The following RGS7 variants were observed in gnomAD, a reference collection of about 807,000 sequenced individuals.
The protein encoded by RGS7 is regulator of G-protein signaling 7.
RGS7 carries 27 observed loss-of-function variants against 81.1 expected under a neutral mutation model. That is an observed-to-expected ratio of 0.33 (90% CI 0.25 to 0.46). The LOEUF (loss-of-function observed/expected upper bound fraction) is 0.46. RGS7 is among the 20% of genes least tolerant of loss of function. The pLI is 1.00. For missense variants in RGS7, 396 were observed against 607.4 expected (o/e 0.65, Z 3.66); for synonymous variants, 208 against 207.7 (o/e 1.00, Z -0.01).
At chr1:241,175,361 G>A (rs7527775) in intron 2 of RGS7, among the ~76,000 whole-genome samples, 45,385 of 151,972 alleles carry the variant, frequency 0.3, 6,863 homozygotes, top group East Asian at 0.36. Context: ...TACAGTGTAG[G>A]TACTTCAGCC....
chr1:241,349,970 C>A (rs574119668), intron 2 of RGS7, among the ~76,000 whole-genome samples: 1 of 152,156 alleles, frequency 6.6e-6, no homozygotes, highest in Non-Finnish European at 1.5e-5. Context: ...TAAAATCCCT[C>A]GAGGGCTTCT....
At chr1:240,947,998 T>A (rs1015326501) in intron 4 of RGS7, among the ~76,000 whole-genome samples, 5 of 152,104 alleles carry the variant, frequency 3.3e-5, no homozygotes, top group African/African-American at 1.2e-4. Flanking sequence ...TCAGAACCCT[T>A]CCTCCAGAGA....
At position 240,905,413 on chromosome 1, in the gene RGS7, A is replaced by G. The variant is rs532981766; in HGVS notation, c.385+25304T>C. ...GAAGCAGCGACAGGTAGGCGGAGAG[A>G]GGAAGGGAGGAAACTACTGACTGAG... is the stretch of plus-strand genomic sequence containing the variant. On this transcript the variant is annotated intron_variant, in intron 6 of 18. Coordinates refer to ENST00000440928, the MANE Select transcript of RGS7 (RefSeq NM_001364886.1). 1.1e-4 allele frequency among the ~76,000 whole-genome samples: 17 copies of G among 152,338 alleles called. No homozygotes were observed. The South Asian group carries it at 2.3e-3, about 20-fold the overall frequency.
chr1:241,196,921 T>A (rs993068676), intron 2 of RGS7, among the ~76,000 whole-genome samples: 2 of 149,300 alleles, frequency 1.3e-5, no homozygotes, highest in Non-Finnish European at 3.0e-5. Context: ...GGTAAAAGAA[T>A]GTGTATCTGA....
chr1:240,857,340 A>G (rs1253015542), intron 9 of RGS7, among the ~76,000 whole-genome samples: 1 of 152,024 alleles, frequency 6.6e-6, no homozygotes, highest in Non-Finnish European at 1.5e-5. Context: ...AACATCTTAT[A>G]TTGATGTGGT....
At chr1:241,187,714 G>C (rs532498459) in intron 2 of RGS7, among the ~76,000 whole-genome samples, 1 of 152,258 alleles carries the variant, frequency 6.6e-6, no homozygotes, top group South Asian at 2.1e-4. Context: ...CATTAACCAA[G>C]TATATACTGC....
chr1:241,242,740 AG>A (rs1209389012), intron 2 of RGS7, among the ~76,000 whole-genome samples: 1 of 152,080 alleles, frequency 6.6e-6, no homozygotes, highest in Non-Finnish European at 1.5e-5. Flanking sequence ...AGTGATGTTG[AG>A]GATTTTTTTC....
chr1:241,001,976 C>G (rs1688211459), intron 3 of RGS7, among the ~76,000 whole-genome samples: 1 of 152,052 alleles, frequency 6.6e-6, no homozygotes, highest in Admixed American at 6.5e-5. Flanking sequence ...ATGATGGCCC[C>G]TGTGCGATAA....
intron 6 of RGS7, among the ~76,000 whole-genome samples, chr1:240,887,750 A>G (rs2148126723): frequency 6.6e-6 from 1 of 152,322 alleles, no homozygotes; most frequent in African/African-American, 2.4e-5. Context: ...AATTTAAAAC[A>G]TGTAACTAGT....
At chr1:240,981,484 G>C (rs973373678) in intron 4 of RGS7, among the ~76,000 whole-genome samples, 3 of 152,082 alleles carry the variant, frequency 2.0e-5, no homozygotes, top group Non-Finnish European at 4.4e-5. Flanking sequence ...TTGCCAATCA[G>C]TAGTTTCCTG....
intron 10 of RGS7, among the ~76,000 whole-genome samples, chr1:240,817,015 G>A (rs567107744): frequency 2.6e-5 from 4 of 152,214 alleles, no homozygotes; most frequent in East Asian, 1.9e-4. Flanking sequence ...CCCCAGAGGC[G>A]TCATGCATCT....
chr1:241,119,989 C>T (rs2066138371), intron 2 of RGS7, among the ~76,000 whole-genome samples: 1 of 152,234 alleles, frequency 6.6e-6, no homozygotes, highest in Admixed American at 6.5e-5. Context: ...AAGCCATCTT[C>T]CACACTGTGG....
At chr1:241,265,836 C>G (rs1313130350) in intron 2 of RGS7, among the ~76,000 whole-genome samples, 1 of 139,598 alleles carries the variant, frequency 7.2e-6, no homozygotes, top group Non-Finnish European at 1.5e-5. Context: ...CTCTTGTTGC[C>G]CAGGCTGGAA....
intron 2 of RGS7, among the ~76,000 whole-genome samples, chr1:241,195,941 T>C (rs1244623919): frequency 2.0e-5 from 3 of 152,222 alleles, no homozygotes; most frequent in Admixed American, 6.5e-5. Context: ...TTTGAAAAGA[T>C]AGTTGCTGAG....
intron 2 of RGS7, among the ~76,000 whole-genome samples, chr1:241,202,371 A>G: frequency 6.6e-6 from 1 of 152,180 alleles, no homozygotes; most frequent in Non-Finnish European, 1.5e-5. Flanking sequence ...TCCCTGTCAC[A>G]CTCTGAAGGT....
intron 2 of RGS7, among the ~76,000 whole-genome samples, chr1:241,301,947 C>T (rs1016129868): frequency 3.3e-5 from 5 of 152,184 alleles, no homozygotes; most frequent in Non-Finnish European, 5.9e-5. Context: ...AAGAAAAATA[C>T]TATGACATTC....
chr1:240,793,611 A>ATATTTTTTTTTTTTT, intron 18 of RGS7, among the ~76,000 whole-genome samples: 2 of 78,868 alleles, frequency 2.5e-5, no homozygotes, highest in African/African-American at 1.9e-4. Context: ...ATATATATAT[A>ATATTTTTTTTTTTTT]TTTTTTTTTT....
chr1:240,827,278 GAC>G, intron 9 of RGS7, 106 bp from the exon 10 acceptor site: 1 of 872,272 alleles, frequency 1.1e-6, no homozygotes, highest in Non-Finnish European at 1.9e-6. Context: ...ATGCCCCAAT[GAC>G]ACAAATCAAG....
intron 2 of RGS7, among the ~76,000 whole-genome samples, chr1:241,219,060 A>G (rs1320755477): frequency 2.6e-5 from 4 of 152,154 alleles, no homozygotes; most frequent in Non-Finnish European, 5.9e-5. Context: ...CAGGAGCTAC[A>G]AGGCTCACAT....
Sources: gnomAD v4.1 joint callset for allele counts (sites outside exome capture counted in the v4.1 genomes callset) on GRCh38, gnomAD v4.1.1 for gene constraint, MANE v1.5 for transcripts, NCBI Gene and HGNC (gene_info 2026-07-23, HGNC 2026-07-21) for gene names.